The following KIF6 variants were observed in gnomAD, a reference collection of about 807,000 sequenced individuals.
KIF6 encodes the protein kinesin-like protein KIF6.
A neutral mutation model predicts 112.7 loss-of-function variants in KIF6; 106 were observed. The ratio of observed to expected loss-of-function variants is 0.94; its 90% confidence interval spans 0.80 to 1.11. The LOEUF is 1.11. Among genes scored for constraint, KIF6 ranks in the 50% least tolerant of loss-of-function variants. The pLI, the probability that KIF6 is intolerant of heterozygous loss-of-function variation, is 0.00. For missense variants in KIF6, 929 were observed against 964.0 expected, an observed-to-expected ratio of 0.96 and a Z score of 0.48; for synonymous variants, 339 against 339.9, an observed-to-expected ratio of 1.00 and a Z score of 0.03.
At chr6:39,350,158 T>C (rs1764124306) in intron 19 of KIF6, among the ~76,000 whole-genome samples, 1 of 152,150 alleles carries the variant, frequency 6.6e-6, no homozygotes, top group African/African-American at 2.4e-5. Context: ...TCCTGGCCTC[T>C]TGGGAAAATC....
chr6:39,704,356 T>A (rs867540129), intron 3 of KIF6, among the ~76,000 whole-genome samples: 31 of 152,316 alleles, frequency 2.0e-4, no homozygotes, highest in Middle Eastern at 3.4e-3. Context: ...CGTTGGCTCA[T>A]GCCTGTAATC....
intron 19 of KIF6, chr6:39,353,905 TA>T: frequency 1.7e-6 from 1 of 574,036 alleles, no homozygotes. Flanking sequence ...TAAGTGGAGC[TA>T]AGTGTGATGC....
rs188984878 is a variant in KIF6 at position 39,562,492 on chromosome 6, A to T, written c.1181+15564T>A. Among the ~76,000 whole-genome samples, 161 of 152,322 alleles carry T rather than the reference A, an allele frequency of 1.1e-3. 1 individual carries two copies. Among genetic ancestry groups the T allele is most frequent in the African/African-American group, 3.8e-3 (159 of 41,566 alleles). ...CTTAGTTTTTGATACCGAACCACGC[A>T]CACCAATTCTAGAATACCACTTGCA... On this transcript the variant is annotated intron_variant, in intron 10 of 22. Coordinates refer to ENST00000287152, the MANE Select transcript of KIF6 (RefSeq NM_145027.6).
At chr6:39,501,825 G>C (rs1776149711) in intron 13 of KIF6, among the ~76,000 whole-genome samples, 1 of 152,090 alleles carries the variant, frequency 6.6e-6, no homozygotes, top group Admixed American at 6.5e-5. Flanking sequence ...AAGAAATATG[G>C]GATTATGTGA....
At chr6:39,436,764 T>C (rs1335376156) in intron 13 of KIF6, among the ~76,000 whole-genome samples, 1 of 152,224 alleles carries the variant, frequency 6.6e-6, no homozygotes, top group Non-Finnish European at 1.5e-5. Flanking sequence ...TTTTGGTTAT[T>C]ATAGCTTTGT....
At chr6:39,443,215 T>C (rs916840744) in intron 13 of KIF6, among the ~76,000 whole-genome samples, 1 of 151,244 alleles carries the variant, frequency 6.6e-6, no homozygotes, top group African/African-American at 2.4e-5. Flanking sequence ...TAGGATTCCC[T>C]GAGTCTCACA....
intron 13 of KIF6, among the ~76,000 whole-genome samples, chr6:39,483,862 A>C (rs990890100): frequency 2.6e-5 from 4 of 152,356 alleles, no homozygotes; most frequent in Admixed American, 1.3e-4. Context: ...GACATTTCTC[A>C]GTAACTAGCT....
intron 2 of KIF6, among the ~76,000 whole-genome samples, chr6:39,718,750 AAAAG>A (rs969532007): frequency 9.2e-5 from 14 of 151,810 alleles, no homozygotes; most frequent in East Asian, 5.8e-4. Context: ...AAAAAAAAAA[AAAAG>A]AAAGAAAGAA....
intron 7 of KIF6, among the ~76,000 whole-genome samples, chr6:39,588,218 C>T (rs968233138): frequency 1.3e-5 from 2 of 151,948 alleles, no homozygotes; most frequent in Admixed American, 6.6e-5. Context: ...TTATTTAATT[C>T]ATTTATTTAT....
intron 13 of KIF6, among the ~76,000 whole-genome samples, chr6:39,455,218 C>T (rs1162675562): frequency 2.6e-5 from 4 of 151,986 alleles, no homozygotes; most frequent in African/African-American, 2.4e-5. Context: ...GACCCCTGAC[C>T]CCCGAGCAGC....
chr6:39,596,507 A>G (rs1037390278), intron 6 of KIF6, among the ~76,000 whole-genome samples: 1 of 152,156 alleles, frequency 6.6e-6, no homozygotes, highest in African/African-American at 2.4e-5. Flanking sequence ...TGAGGTATAG[A>G]TCAAGTCCTC....
chr6:39,456,863 T>G (rs545636849), intron 13 of KIF6, among the ~76,000 whole-genome samples: 9 of 150,394 alleles, frequency 6.0e-5, no homozygotes, highest in South Asian at 2.1e-4. Flanking sequence ...GCACCCAGAT[T>G]CATAAAGCAA....
chr6:39,472,802 T>C (rs1774197148), intron 13 of KIF6, among the ~76,000 whole-genome samples: 1 of 152,190 alleles, frequency 6.6e-6, no homozygotes, highest in Non-Finnish European at 1.5e-5. Flanking sequence ...ACCTTTTGTT[T>C]TGATGCAACT....
intron 13 of KIF6, among the ~76,000 whole-genome samples, chr6:39,466,191 CT>C (rs1773776486): frequency 6.6e-6 from 1 of 152,178 alleles, no homozygotes; most frequent in Non-Finnish European, 1.5e-5. Flanking sequence ...AAAAGTTGTT[CT>C]GATAAAGCTT....
At chr6:39,485,852 G>A (rs1047266741) in intron 13 of KIF6, among the ~76,000 whole-genome samples, 7 of 152,312 alleles carry the variant, frequency 4.6e-5, no homozygotes, top group South Asian at 4.2e-4. Flanking sequence ...GTAAAGCTCC[G>A]AGTGCTTTAT....
At position 39,378,825 on chromosome 6, in the gene KIF6, C is replaced by T. The variant is rs188727054; in HGVS notation, c.1861+6797G>A. Among the ~76,000 whole-genome samples, 18 of 152,318 alleles carry T rather than the reference C, an allele frequency of 1.2e-4. No homozygotes were observed. In the East Asian group the frequency reaches 3.1e-3, roughly 26 times the overall value. On this transcript the variant is annotated intron_variant, in intron 16 of 22. Transcript: ENST00000287152. The surrounding 1 kb of genome is among the most constrained non-coding windows in gnomAD (Gnocchi z 5.0). Reference sequence around the variant, plus strand: ...TATTTGAGAGAGAGGCCACAGCCCACGTTCCTGGGGCTGGATTCTTCCAGT... The same window carrying T: ...TATTTGAGAGAGAGGCCACAGCCCATGTTCCTGGGGCTGGATTCTTCCAGT...
intron 13 of KIF6, 143 bp from the exon 14 acceptor site, chr6:39,431,304 G>A (rs995335888): frequency 3.4e-6 from 2 of 591,840 alleles, no homozygotes; most frequent in Non-Finnish European, 6.1e-6. Flanking sequence ...GTGGCCCCAG[G>A]CTCTTCCAGC....
Position 39,336,269 on chromosome 6 carries a change from C to G in KIF6, c.*263G>C. On this transcript the variant is annotated 3_prime_UTR_variant, in exon 23 of 23. Transcript: ENST00000287152. Reference sequence around the variant, plus strand: ...AGTGAGCTGAAGCCTTCACCCTGCCCCTAGCACTCTGGCCTTGCCTGGCCC... The same window carrying G: ...AGTGAGCTGAAGCCTTCACCCTGCCGCTAGCACTCTGGCCTTGCCTGGCCC... 3.8e-6 allele frequency: 2 copies of G among 529,456 alleles called. No homozygotes were observed. Among genetic ancestry groups the G allele is most frequent in the Non-Finnish European group, 6.8e-6 (2 of 295,058 alleles). The allele number at this position is 529,456 out of a possible 1,614,324, so 32.8% of individuals were successfully genotyped here. A position where few individuals can be genotyped will look rare whatever the true frequency, so the allele number is the denominator to read the frequency against.
intron 13 of KIF6, among the ~76,000 whole-genome samples, chr6:39,514,127 A>T (rs1776933443): frequency 6.6e-6 from 1 of 152,158 alleles, no homozygotes; most frequent in Non-Finnish European, 1.5e-5. Flanking sequence ...CCAATTTCAT[A>T]CCTACTTTTG....
Sources: allele counts gnomAD v4.1 joint callset (sites outside exome capture counted in the v4.1 genomes callset), GRCh38; gene constraint gnomAD v4.1.1; non-coding constraint Gnocchi (gnomAD v3.1); transcripts MANE v1.5; gene names NCBI Gene and HGNC (gene_info 2026-07-23, HGNC 2026-07-21).